The following ZDHHC2 variants were observed in gnomAD, a reference collection of about 807,000 sequenced individuals.
The protein encoded by ZDHHC2 is zDHHC palmitoyltransferase 2, also known as palmitoyltransferase ZDHHC2.
ZDHHC2 carries 51 observed loss-of-function variants against 55.6 expected under a neutral mutation model. The ratio of observed to expected loss-of-function variants is 0.92; its 90% CI spans 0.73 to 1.16. ZDHHC2 has a LOEUF of 1.16. ZDHHC2 is among the 50% of genes most tolerant of loss of function. The pLI is 0.00. For missense variants in ZDHHC2, 491 were observed against 442.4 expected, an observed-to-expected ratio of 1.11 and a Z score of -0.99; for synonymous variants, 199 against 152.9, an observed-to-expected ratio of 1.30 and a Z score of -2.22.
chr8:17,197,753 C>A, intron 5 of ZDHHC2, 102 bp downstream of exon 5: 1 of 1,256,280 alleles, frequency 8.0e-7, no homozygotes, highest in African/African-American at 1.5e-5. Flanking sequence ...TCCATATTCT[C>A]GCTTCTCAGC....
intron 3 of ZDHHC2, among the ~76,000 whole-genome samples, chr8:17,192,291 C>G (rs1200138614): frequency 6.6e-6 from 1 of 152,106 alleles, no homozygotes; most frequent in Non-Finnish European, 1.5e-5. Flanking sequence ...TGCCCTTTGC[C>G]TATCTTTAGG....
chr8:17,163,042 G>A (rs1026544467), intron 1 of ZDHHC2, among the ~76,000 whole-genome samples: 27 of 152,288 alleles, frequency 1.8e-4, no homozygotes, highest in Admixed American at 1.1e-3. Context: ...CCCGATGCTC[G>A]GGCCACTTTT....
chr8:17,180,260 C>T (rs2150900599), intron 1 of ZDHHC2, among the ~76,000 whole-genome samples: 1 of 152,276 alleles, frequency 6.6e-6, no homozygotes, highest in Admixed American at 6.5e-5. Flanking sequence ...CTAACTGGCA[C>T]ATCAAGATCG....
At chr8:17,205,014 T>C (rs911732719) in intron 6 of ZDHHC2, among the ~76,000 whole-genome samples, 1 of 152,172 alleles carries the variant, frequency 6.6e-6, no homozygotes, top group African/African-American at 2.4e-5. Flanking sequence ...GAGCCGACTT[T>C]TGGAAATGAC....
intron 3 of ZDHHC2, among the ~76,000 whole-genome samples, chr8:17,192,335 C>T (rs754164378): frequency 6.6e-6 from 1 of 152,148 alleles, no homozygotes; most frequent in Non-Finnish European, 1.5e-5. Context: ...ACGATGATAA[C>T]TCATTGTAGT....
intron 9 of ZDHHC2, 107 bp from the exon 10 acceptor site, chr8:17,210,281 T>C: frequency 8.4e-7 from 1 of 1,197,084 alleles, no homozygotes; most frequent in Non-Finnish European, 1.2e-6. Context: ...ACACATTTTT[T>C]TTGCCTAGAG....
At chr8:17,182,808 C>T (rs1213618256) in intron 1 of ZDHHC2, among the ~76,000 whole-genome samples, 1 of 152,184 alleles carries the variant, frequency 6.6e-6, no homozygotes, top group Non-Finnish European at 1.5e-5. Context: ...GTTGCCCAGG[C>T]TGGAGCGCAG....
At chr8:17,198,967 A>G (rs1806468866) in intron 6 of ZDHHC2, among the ~76,000 whole-genome samples, 1 of 151,538 alleles carries the variant, frequency 6.6e-6, no homozygotes, top group South Asian at 2.1e-4. Context: ...TATTTGAAAG[A>G]TCTGATTAGT....
chr8:17,218,445 GGTCAGTGCTAT>G (rs1382789709), intron 12 of ZDHHC2, among the ~76,000 whole-genome samples: 1 of 151,776 alleles, frequency 6.6e-6, no homozygotes, highest in Non-Finnish European at 1.5e-5. Context: ...TTGTTTTTAA[GGTCAGTGCTAT>G]TAGGAATTTT....
chr8:17,165,358 A>C (rs1668608264), intron 1 of ZDHHC2, among the ~76,000 whole-genome samples: 2 of 152,212 alleles, frequency 1.3e-5, no homozygotes, highest in Non-Finnish European at 2.9e-5. Flanking sequence ...AGTGAATGGG[A>C]AAAGATAAAG....
intron 6 of ZDHHC2, among the ~76,000 whole-genome samples, chr8:17,199,756 C>G (rs1806641805): frequency 7.1e-6 from 1 of 141,016 alleles, no homozygotes; most frequent in Non-Finnish European, 1.5e-5. Context: ...CTTCTTCTTT[C>G]TTCTTCTTTT....
chr8:17,177,786 G>T (rs1324132963), intron 1 of ZDHHC2, among the ~76,000 whole-genome samples: 1 of 151,894 alleles, frequency 6.6e-6, no homozygotes, highest in African/African-American at 2.4e-5. Flanking sequence ...TTGTGTGTGT[G>T]GGGGTGGGGG....
At chr8:17,171,073 C>T (rs1275219768) in intron 1 of ZDHHC2, among the ~76,000 whole-genome samples, 1 of 152,080 alleles carries the variant, frequency 6.6e-6, no homozygotes, top group Non-Finnish European at 1.5e-5. Context: ...CATAGACTTA[C>T]ATGGTTCTAC....
chr8:17,199,509 T>TCTTCGTCTTCGTCTTCGTCTTCG lies in ZDHHC2; in HGVS notation c.476+1096_476+1097insCTTCGTCTTCGTCTTCGTCTTCG, dbSNP rs1554466018. Among the ~76,000 whole-genome samples, 30 of 121,170 alleles carry TCTTCGTCTTCGTCTTCGTCTTCG rather than the reference T, an allele frequency of 2.5e-4. 3 individuals carry two copies. Among genetic ancestry groups the TCTTCGTCTTCGTCTTCGTCTTCG allele is most frequent in the Middle Eastern group, 4.1e-3 (1 of 242 alleles). 79.5% of individuals were successfully genotyped at this position (121,170 alleles called of 152,430 possible). On this transcript the variant is annotated intron_variant, in intron 6 of 12. Coordinates refer to ENST00000262096, the MANE Select transcript of ZDHHC2 (RefSeq NM_016353.5). ...CTTCTTCTTCTTCTTCTTCTTCTTC[T>TCTTCGTCTTCGTCTTCGTCTTCG]TCTTCGTCTTCGTCTTCGTCTTCTG...
chr8:17,181,296 T>G (rs1380788751), intron 1 of ZDHHC2, among the ~76,000 whole-genome samples: 1 of 152,236 alleles, frequency 6.6e-6, no homozygotes, highest in Non-Finnish European at 1.5e-5. Flanking sequence ...GTTCTTGTGC[T>G]TTAATGAGGA....
At chr8:17,187,142 G>A (rs527492009) in intron 3 of ZDHHC2, among the ~76,000 whole-genome samples, 1 of 152,332 alleles carries the variant, frequency 6.6e-6, no homozygotes, top group Non-Finnish European at 1.5e-5. Context: ...CGATGACCAT[G>A]TTAAACATGA....
chr8:17,162,134 G>A (rs993798182), intron 1 of ZDHHC2, among the ~76,000 whole-genome samples: 65 of 152,114 alleles, frequency 4.3e-4, no homozygotes, highest in Non-Finnish European at 8.5e-4. Flanking sequence ...TGCTTTTTTG[G>A]TTCCATTTAG....
intron 6 of ZDHHC2, among the ~76,000 whole-genome samples, chr8:17,202,171 A>G (rs1806817467): frequency 6.6e-6 from 1 of 152,228 alleles, no homozygotes; most frequent in Non-Finnish European, 1.5e-5. Flanking sequence ...TCTAGAGGCC[A>G]TACACATAAT....
intron 1 of ZDHHC2, among the ~76,000 whole-genome samples, chr8:17,172,754 A>G (rs1804923917): frequency 6.6e-6 from 1 of 152,086 alleles, no homozygotes; most frequent in South Asian, 2.1e-4. Context: ...GTGCCTGTGT[A>G]GTACAAATTG....
Sources: allele counts gnomAD v4.1 joint callset (sites outside exome capture counted in the v4.1 genomes callset), GRCh38; gene constraint gnomAD v4.1.1; transcripts MANE v1.5; gene names NCBI Gene and HGNC (gene_info 2026-07-23, HGNC 2026-07-21).